Variants in CTNNA2 observed in about 807,000 individuals in gnomAD.
CTNNA2 encodes the protein catenin alpha 2.
CTNNA2 carries 42 observed loss-of-function variants against 101.0 expected under a neutral mutation model. The ratio of observed to expected loss-of-function variants is 0.42; its 90% CI spans 0.32 to 0.54. The LOEUF (loss-of-function observed/expected upper bound fraction) is 0.54. CTNNA2 is among the 20% of genes least tolerant of loss of function. The pLI is 0.14. For missense variants in CTNNA2, 871 were observed against 1,223.1 expected (o/e 0.71, Z 4.29); for synonymous variants, 450 against 456.4 (o/e 0.99, Z 0.18).
intron 4 of CTNNA2, among the ~76,000 whole-genome samples, chr2:79,459,322 A>G (rs185825557): frequency 5.0e-4 from 76 of 152,284 alleles, no homozygotes; most frequent in Admixed American, 4.7e-3. Flanking sequence ...TATTACGAAC[A>G]TACAGACAAA....
At chr2:79,280,031 G>A (rs1011572404) in intron 2 of CTNNA2, among the ~76,000 whole-genome samples, 1 of 152,104 alleles carries the variant, frequency 6.6e-6, no homozygotes, top group Non-Finnish European at 1.5e-5. Flanking sequence ...TTATTTGCAT[G>A]TCTTTGTTTT....
chr2:80,242,291 G>A (rs1671000261), intron 7 of CTNNA2, among the ~76,000 whole-genome samples: 2 of 152,134 alleles, frequency 1.3e-5, no homozygotes, highest in Admixed American at 6.6e-5. Flanking sequence ...CATAACTCTT[G>A]CTGTTTGCAC....
chr2:80,039,712 G>A (rs1159207763), intron 7 of CTNNA2, among the ~76,000 whole-genome samples: 5 of 152,080 alleles, frequency 3.3e-5, no homozygotes, highest in African/African-American at 4.8e-5. Context: ...TGTGTTCATT[G>A]GCTTCTGTTG....
intron 1 of CTNNA2, among the ~76,000 whole-genome samples, chr2:79,638,638 A>T (rs902054235): frequency 1.3e-5 from 2 of 152,232 alleles, no homozygotes. Context: ...CCAGTGAATC[A>T]GCCAGTCTAT....
At chr2:79,437,010 G>C (rs1281108444) in intron 4 of CTNNA2, among the ~76,000 whole-genome samples, 1 of 152,006 alleles carries the variant, frequency 6.6e-6, no homozygotes, top group Non-Finnish European at 1.5e-5. Context: ...GAGGTGGGCA[G>C]ATCACCTGAG....
chr2:79,237,316 G>A (rs1674569660), intron 2 of CTNNA2, among the ~76,000 whole-genome samples: 1 of 152,164 alleles, frequency 6.6e-6, no homozygotes, highest in Non-Finnish European at 1.5e-5. Context: ...CTCAATGGTG[G>A]TCTTAAAATA....
In CTNNA2 at chr2:80,484,735, A is replaced by G. The variant is rs540545581; in HGVS notation, c.1291-60247A>G. 4.1e-4 allele frequency among the ~76,000 whole-genome samples: 63 copies of G among 152,326 alleles called. 1 individual carries two copies. Among genetic ancestry groups the G allele is most frequent in the Non-Finnish European group, 6.0e-4 (41 of 68,018 alleles). ...CAAAATAATGGGTCTGGCTGGGCGC[A>G]GTGACTCACACCTGTAATCCCAGCA... On this transcript the variant is annotated intron_variant, in intron 9 of 18. Transcript: ENST00000402739.
intron 7 of CTNNA2, among the ~76,000 whole-genome samples, chr2:80,309,609 A>C (rs895048681): frequency 1.3e-5 from 2 of 152,190 alleles, no homozygotes; most frequent in African/African-American, 4.8e-5. Flanking sequence ...GCTATCTCAG[A>C]GGATACTTGG....
At chr2:80,189,603 G>C (rs1349479500) in intron 7 of CTNNA2, among the ~76,000 whole-genome samples, 1 of 152,136 alleles carries the variant, frequency 6.6e-6, no homozygotes, top group Admixed American at 6.5e-5. Context: ...GGAGCAAAGA[G>C]GAGCTCAGGG....
intron 1 of CTNNA2, among the ~76,000 whole-genome samples, chr2:79,569,965 A>G (rs575174002): frequency 1.0e-3 from 154 of 152,326 alleles, no homozygotes; most frequent in Non-Finnish European, 1.6e-3. Context: ...TGCAGTAAAT[A>G]GAAATCATTA....
intron 3 of CTNNA2, among the ~76,000 whole-genome samples, chr2:79,343,319 C>A (rs1677181639): frequency 6.6e-6 from 1 of 151,976 alleles, no homozygotes; most frequent in Non-Finnish European, 1.5e-5. Context: ...ATTTATCCCA[C>A]AAATAGAATA....
chr2:80,595,592 ATAAAG>A (rs1332865488), intron 15 of CTNNA2, among the ~76,000 whole-genome samples: 3 of 152,228 alleles, frequency 2.0e-5, no homozygotes, highest in Non-Finnish European at 4.4e-5. Flanking sequence ...TTGAGTATGA[ATAAAG>A]TAAGCTGTGG....
At chr2:79,305,312 A>G (rs1055181998) in intron 2 of CTNNA2, among the ~76,000 whole-genome samples, 3 of 148,438 alleles carry the variant, frequency 2.0e-5, no homozygotes, top group Non-Finnish European at 3.0e-5. Flanking sequence ...ATACATATAT[A>G]TACACATATA....
At chr2:80,138,168 C>T (rs11685504) in intron 7 of CTNNA2, among the ~76,000 whole-genome samples, 6,915 of 152,214 alleles carry the variant, frequency 0.045, 193 homozygotes, top group South Asian at 0.085. Flanking sequence ...CAATTCACCC[C>T]AGTGTCAACA....
intron 3 of CTNNA2, among the ~76,000 whole-genome samples, chr2:79,791,938 C>T (rs1006033278): frequency 1.3e-5 from 2 of 152,108 alleles, no homozygotes; most frequent in Admixed American, 6.6e-5. Context: ...TGTCACTCTA[C>T]GGAGAAGGAC....
intron 18 of CTNNA2, among the ~76,000 whole-genome samples, chr2:80,627,345 C>T (rs961206821): frequency 8.5e-5 from 13 of 152,224 alleles, no homozygotes; most frequent in Middle Eastern, 3.4e-3. Flanking sequence ...ATTGTAAAAG[C>T]GTTCCTATTT....
intron 7 of CTNNA2, among the ~76,000 whole-genome samples, chr2:79,930,723 A>C (rs979185261): frequency 1.1e-4 from 16 of 152,234 alleles, no homozygotes; most frequent in African/African-American, 3.6e-4. Context: ...TATTCTATGA[A>C]GTCATTCCTA....
intron 3 of CTNNA2, among the ~76,000 whole-genome samples, chr2:79,827,624 C>T (rs866781576): frequency 1.3e-5 from 2 of 151,944 alleles, no homozygotes; most frequent in South Asian, 4.2e-4. Flanking sequence ...TTACAGCCAG[C>T]ATTTACATAG....
intron 7 of CTNNA2, among the ~76,000 whole-genome samples, chr2:80,203,184 CTG>C (rs1338475751): frequency 1.3e-5 from 2 of 152,216 alleles, no homozygotes; most frequent in Admixed American, 6.5e-5. Flanking sequence ...CAGAGCCAAA[CTG>C]TGTCATTCTG....
Sources: gnomAD v4.1 joint callset for allele counts (sites outside exome capture counted in the v4.1 genomes callset) on GRCh38, gnomAD v4.1.1 for gene constraint, MANE v1.5 for transcripts, NCBI Gene and HGNC (gene_info 2026-07-23, HGNC 2026-07-21) for gene names.